FRMPD4: variants seen among roughly 807,000 people sequenced by gnomAD.
The protein encoded by FRMPD4 is FERM and PDZ domain containing 4, also known as FERM and PDZ domain-containing protein 4.
In FRMPD4, 22 loss-of-function variants were observed where a neutral mutation model predicts 94.1. The ratio of observed to expected loss-of-function variants is 0.23; its 90% confidence interval spans 0.17 to 0.33. FRMPD4 has a LOEUF of 0.33. FRMPD4 is among the 10% of genes least tolerant of loss of function. FRMPD4 has a pLI of 1.00. For synonymous variants in FRMPD4, 631 were observed against 548.6 expected, an observed-to-expected ratio of 1.15 and a Z score of -2.10; for missense variants, 1,111 against 1,339.9, an observed-to-expected ratio of 0.83 and a Z score of 2.67.
chrX:12,444,338 A>G (rs1350791646), intron 1 of FRMPD4, among the ~76,000 whole-genome samples: 1 of 111,957 alleles, frequency 8.9e-6, no homozygotes, highest in African/African-American at 3.2e-5. Context: ...GTTTATGTTG[A>G]CAATAGAGAA....
intron 3 of FRMPD4, among the ~76,000 whole-genome samples, chrX:11,982,938 A>G (rs1313204795): frequency 2.7e-5 from 3 of 111,212 alleles, no homozygotes; most frequent in Non-Finnish European, 5.7e-5. Flanking sequence ...TGTTTTGTCT[A>G]TTTTGTTATT....
At position 11,996,641 on chromosome X, in the gene FRMPD4, G is replaced by A. The variant is rs2054497546; in HGVS notation, c.95+118623G>A. 2.7e-5 allele frequency among the ~76,000 whole-genome samples: 3 copies of A among 112,337 alleles called. No individual in the cohort carries two copies. In the Admixed American group the frequency reaches 2.8e-4, roughly 11 times the overall value. On this transcript the variant is annotated intron_variant, in intron 3 of 18. Coordinates refer to the FRMPD4 transcript ENST00000640291. Reference sequence around the variant, plus strand: ...ACAGCCCTTGAGGCTGTAGACAATGGTTTGTCTTTTTTCAGTCAATATGAA... The same window carrying A: ...ACAGCCCTTGAGGCTGTAGACAATGATTTGTCTTTTTTCAGTCAATATGAA...
intron 2 of FRMPD4, among the ~76,000 whole-genome samples, chrX:12,577,780 TGAAAA>T (rs1216330692): frequency 8.9e-6 from 1 of 111,886 alleles, no homozygotes; most frequent in African/African-American, 3.3e-5. Flanking sequence ...TCAGGGCCAT[TGAAAA>T]GAAAGTTCTA....
At chrX:12,571,503 T>C (rs1248978679) in intron 2 of FRMPD4, among the ~76,000 whole-genome samples, 1 of 112,506 alleles carries the variant, frequency 8.9e-6, no homozygotes, top group East Asian at 2.8e-4. Context: ...ATTAACTGTG[T>C]CTTAGTAATT....
At chrX:11,953,310 T>C (rs2054235714) in intron 3 of FRMPD4, among the ~76,000 whole-genome samples, 1 of 111,920 alleles carries the variant, frequency 8.9e-6, no homozygotes, top group South Asian at 3.8e-4. Flanking sequence ...AGGGAAACTT[T>C]TTTTTAACCC....
intron 4 of FRMPD4, among the ~76,000 whole-genome samples, chrX:12,622,013 A>G (rs1323163252): frequency 2.0e-5 from 1 of 49,372 alleles, no homozygotes; most frequent in Non-Finnish European, 3.5e-5. Context: ...AAAGAAAGAA[A>G]GAAAGGAAGG....
rs1369160028 is a variant in FRMPD4, at chrX:11,837,290, T to C, written c.-161+14575T>C. 2.7e-5 allele frequency among the ~76,000 whole-genome samples: 3 copies of C among 111,864 alleles called. 1 individual carries two copies. The highest frequency in any genetic ancestry group is 5.7e-5 in the Non-Finnish European group (3 of 53,059). ...AAAGAATTGTATTTCAGTACATTTC[T>C]TTTTCATTAAAAAATACTAGTTGTC... On this transcript the variant is annotated intron_variant, in intron 1 of 18. Coordinates refer to the FRMPD4 transcript ENST00000640291.
At chrX:12,451,253 C>CATAGT (rs1170584914) in intron 1 of FRMPD4, among the ~76,000 whole-genome samples, 2 of 111,726 alleles carry the variant, frequency 1.8e-5, no homozygotes, top group African/African-American at 6.5e-5. Flanking sequence ...TTCTTTTATT[C>CATAGT]ATAGTATTTA....
chrX:12,054,774 T>C (rs2054844344), intron 3 of FRMPD4: 1 of 112,014 alleles, frequency 8.9e-6, no homozygotes, highest in Admixed American at 9.5e-5. Context: ...AAAGGAAGTG[T>C]ATATCAATTT....
At chrX:12,290,216 A>G (rs1490845154) in intron 1 of FRMPD4, among the ~76,000 whole-genome samples, 2 of 112,143 alleles carry the variant, frequency 1.8e-5, no homozygotes, top group African/African-American at 6.5e-5. Flanking sequence ...TGTACGGAGC[A>G]GAGGTGATGA....
At chrX:12,615,433 G>C (rs1018291529) in intron 4 of FRMPD4, among the ~76,000 whole-genome samples, 2 of 112,062 alleles carry the variant, frequency 1.8e-5, no homozygotes, top group African/African-American at 3.2e-5. Context: ...TAAGTAGTTT[G>C]TTATGTGATA....
intron 3 of FRMPD4, among the ~76,000 whole-genome samples, chrX:12,063,820 G>A (rs1170358395): frequency 8.9e-6 from 1 of 112,320 alleles, no homozygotes; most frequent in Non-Finnish European, 1.9e-5. Flanking sequence ...TTGGTTATTT[G>A]GCATTTCATG....
At chrX:12,617,319 T>C in intron 4 of FRMPD4, among the ~76,000 whole-genome samples, 1 of 112,583 alleles carries the variant, frequency 8.9e-6, no homozygotes, top group Non-Finnish European at 1.9e-5. Flanking sequence ...AATATTTTGC[T>C]GGGTATAGCC....
intron 1 of FRMPD4, among the ~76,000 whole-genome samples, chrX:12,266,778 G>C (rs1452988033): frequency 8.9e-6 from 1 of 112,026 alleles, no homozygotes; most frequent in Non-Finnish European, 1.9e-5. Context: ...AATAATATGA[G>C]AGATGTACCT....
chrX:12,152,103 A>G (rs2055859768), intron 1 of FRMPD4, among the ~76,000 whole-genome samples: 1 of 112,009 alleles, frequency 8.9e-6, no homozygotes, highest in Admixed American at 9.5e-5. Context: ...TGATGGGGAA[A>G]GCTTGAGTAA....
chrX:12,334,864 G>GA (rs1304344602), intron 1 of FRMPD4, among the ~76,000 whole-genome samples: 2 of 111,138 alleles, frequency 1.8e-5, no homozygotes, highest in African/African-American at 6.5e-5. Flanking sequence ...ACTTTCCTGT[G>GA]AAAATGCATC....
At chrX:12,580,353 T>C (rs1375305145) in intron 2 of FRMPD4, among the ~76,000 whole-genome samples, 1 of 111,916 alleles carries the variant, frequency 8.9e-6, no homozygotes, top group Non-Finnish European at 1.9e-5. Context: ...CCCTTCATTC[T>C]CTGTACAGTA....
At chrX:11,997,134 A>G (rs765965295) in intron 3 of FRMPD4, among the ~76,000 whole-genome samples, 11 of 111,387 alleles carry the variant, frequency 9.9e-5, no homozygotes, top group Non-Finnish European at 1.5e-4. Flanking sequence ...ACAAGGCAGA[A>G]TTTTAACCTG....
intron 1 of FRMPD4, among the ~76,000 whole-genome samples, chrX:12,142,598 G>A (rs2147574215): frequency 8.9e-6 from 1 of 112,033 alleles, no homozygotes; most frequent in Non-Finnish European, 1.9e-5. Flanking sequence ...TCCTTTCTAA[G>A]TTCTGCTGAT....
Sources: allele counts gnomAD v4.1 joint callset (sites outside exome capture counted in the v4.1 genomes callset), GRCh38; gene constraint gnomAD v4.1.1; transcripts MANE v1.5; gene names NCBI Gene and HGNC (gene_info 2026-07-23, HGNC 2026-07-21).